Variants in CD6 observed in about 807,000 individuals in gnomAD.
CD6 encodes the protein T-cell differentiation antigen CD6.
In CD6, 53 loss-of-function variants were observed where a neutral mutation model predicts 75.3. The ratio of observed to expected loss-of-function variants is 0.70; its 90% CI spans 0.56 to 0.88. The LOEUF (loss-of-function observed/expected upper bound fraction) is 0.88. Ranked by LOEUF, CD6 falls within the 40% of genes least tolerant of loss-of-function variation. CD6 has a pLI of 0.00. For missense variants in CD6, 770 were observed against 897.1 expected (o/e 0.86, Z 1.81); for synonymous variants, 359 against 381.5 (o/e 0.94, Z 0.69).
chr11:61,018,421 G>T (rs1409191636), intron 12 of CD6, 28 bp downstream of exon 12: 1 of 1,516,984 alleles, frequency 6.6e-7, no homozygotes, highest in Admixed American at 1.9e-5. Context: ...AGGGATGTGG[G>T]AGGGGGACAG....
chr11:61,012,251 T>C (rs1318717657), intron 6 of CD6, among the ~76,000 whole-genome samples: 1 of 152,138 alleles, frequency 6.6e-6, no homozygotes, highest in Admixed American at 6.5e-5. Flanking sequence ...CTTCCTGAGG[T>C]TGGAGTGGGG....
chr11:60,986,641 T>A (rs190706863), intron 1 of CD6, among the ~76,000 whole-genome samples: 25 of 152,306 alleles, frequency 1.6e-4, no homozygotes, highest in Admixed American at 6.5e-4. Context: ...CTATGGCATC[T>A]GGAAGTGAAA....
chr11:60,974,133 A>T (rs1262413065), intron 1 of CD6, among the ~76,000 whole-genome samples: 1 of 152,194 alleles, frequency 6.6e-6, no homozygotes. Context: ...AAATGATGGC[A>T]AAGAGGGAGG....
At chr11:60,980,332 C>CT (rs1554990332) in intron 1 of CD6, among the ~76,000 whole-genome samples, 1 of 151,802 alleles carries the variant, frequency 6.6e-6, no homozygotes, top group Non-Finnish European at 1.5e-5. Context: ...GTGTGACCCC[C>CT]ACGTTTACAA....
chr11:61,018,165 C>A, intron 11 of CD6, 124 bp from the exon 12 acceptor site: 1 of 1,280,244 alleles, frequency 7.8e-7, no homozygotes, highest in Non-Finnish European at 1.1e-6. Flanking sequence ...CATCTCTGGG[C>A]CTTCACTTTG....
intron 6 of CD6, among the ~76,000 whole-genome samples, chr11:61,012,194 C>T (rs1172111774): frequency 6.6e-6 from 1 of 152,202 alleles, no homozygotes; most frequent in Admixed American, 6.5e-5. Context: ...CACAGGCTGC[C>T]GGGCAAGCTC....
chr11:60,996,847 T>C (rs200326811), intron 1 of CD6, among the ~76,000 whole-genome samples: 1 of 152,168 alleles, frequency 6.6e-6, no homozygotes, highest in East Asian at 1.9e-4. Context: ...TTTGCAATAT[T>C]TCTGACAAAA....
intron 1 of CD6, among the ~76,000 whole-genome samples, chr11:60,993,336 C>T (rs1350685086): frequency 8.6e-6 from 1 of 116,388 alleles, no homozygotes; most frequent in African/African-American, 2.6e-5. Flanking sequence ...CACCCCCTTG[C>T]AGAAAAGAAG....
intron 1 of CD6, among the ~76,000 whole-genome samples, chr11:60,986,256 G>A (rs975181150): frequency 6.6e-6 from 1 of 152,238 alleles, no homozygotes; most frequent in Non-Finnish European, 1.5e-5. Context: ...CAACCCGGCT[G>A]TTTGTTCTTG....
chr11:60,977,365 G>A (rs954566403), intron 1 of CD6, among the ~76,000 whole-genome samples: 1 of 152,054 alleles, frequency 6.6e-6, no homozygotes, highest in African/African-American at 2.4e-5. Flanking sequence ...GGGACACCAT[G>A]AGCTTTAACA....
At chr11:60,995,299 C>T (rs760507849) in intron 1 of CD6, among the ~76,000 whole-genome samples, 9 of 152,070 alleles carry the variant, frequency 5.9e-5, no homozygotes, top group Non-Finnish European at 1.2e-4. Context: ...CATGCACTAC[C>T]ACATCCAGCT....
At chr11:60,975,284 A>G (rs1307552538) in intron 1 of CD6, among the ~76,000 whole-genome samples, 1 of 152,242 alleles carries the variant, frequency 6.6e-6, no homozygotes, top group African/African-American at 2.4e-5. Flanking sequence ...TCCATAGGGT[A>G]GCCCCTACAA....
intron 1 of CD6, among the ~76,000 whole-genome samples, chr11:60,976,600 C>A: frequency 6.6e-6 from 1 of 152,168 alleles, no homozygotes; most frequent in East Asian, 1.9e-4. Flanking sequence ...ACAATGGCGC[C>A]ATTGCAGGTA....
chr11:61,016,514 G>A (rs1393387094), intron 9 of CD6, among the ~76,000 whole-genome samples: 1 of 152,236 alleles, frequency 6.6e-6, no homozygotes, highest in Non-Finnish European at 1.5e-5. Flanking sequence ...AGTGTCTTGA[G>A]AGGTTGGCAG....
chr11:60,983,614 A>G lies in CD6; in HGVS notation c.49+11700A>G, dbSNP rs1590673971. ...AATGTCCCTTTCTCCTAAATACCCCAACGTGTGTTTTTGTTGTTGTTTTTT... is the reference window on the plus strand; with the variant it reads ...AATGTCCCTTTCTCCTAAATACCCCGACGTGTGTTTTTGTTGTTGTTTTTT... On this transcript the variant is annotated intron_variant, in intron 1 of 12. Transcript: ENST00000313421. Among the ~76,000 whole-genome samples the G allele has an allele frequency of 3.3e-5, 5 of 149,606 alleles. No homozygotes were observed. In the South Asian group the frequency reaches 1.0e-3, roughly 31 times the overall value.
At chr11:60,978,530 T>C (rs568133651) in intron 1 of CD6, among the ~76,000 whole-genome samples, 1 of 152,322 alleles carries the variant, frequency 6.6e-6, no homozygotes, top group Non-Finnish European at 1.5e-5. Context: ...GTTCCTTCCT[T>C]TCTCTGGCCC....
intron 1 of CD6, among the ~76,000 whole-genome samples, chr11:60,981,784 G>A (rs2237995): frequency 0.15 from 22,888 of 152,074 alleles, 2,457 homozygotes; most frequent in African/African-American, 0.31. Flanking sequence ...TGAAAATGGC[G>A]GCTGAGAGAG....
At chr11:61,000,272 T>C in intron 1 of CD6, among the ~76,000 whole-genome samples, 1 of 151,816 alleles carries the variant, frequency 6.6e-6, no homozygotes, top group East Asian at 1.9e-4. Context: ...TTGCTGTTGT[T>C]GTTAAGGCTG....
intron 1 of CD6, among the ~76,000 whole-genome samples, chr11:60,999,290 C>G (rs529381406): frequency 1.3e-5 from 2 of 150,766 alleles, no homozygotes; most frequent in African/African-American, 4.9e-5. Context: ...CAAGGCACTG[C>G]GCAAGGTCCT....
Sources: allele counts gnomAD v4.1 joint callset (sites outside exome capture counted in the v4.1 genomes callset), GRCh38; gene constraint gnomAD v4.1.1; transcripts MANE v1.5; gene names NCBI Gene and HGNC (gene_info 2026-07-23, HGNC 2026-07-21).